Variants in METTL2B observed in about 807,000 individuals in gnomAD.
METTL2B encodes methyltransferase 2B, tRNA N3-cytidine.
Under a neutral mutation model 51.0 loss-of-function variants are expected in METTL2B, and 28 were observed. That is an observed-to-expected ratio of 0.55 (90% CI 0.41 to 0.75). METTL2B has a LOEUF of 0.75. Ranked by LOEUF, METTL2B falls within the 30% of genes least tolerant of loss-of-function variation. The probability of loss-of-function intolerance (pLI) is 0.00; values close to 1 mark genes in which losing one functional copy is unlikely to be tolerated. For synonymous variants in METTL2B, 128 were observed against 166.3 expected (o/e 0.77, Z 1.77); for missense variants, 313 against 460.7 (o/e 0.68, Z 2.93).
In METTL2B at chr7:128,497,357, A is replaced by G. The variant is rs1459366361; in HGVS notation, c.810-679A>G. 3.3e-5 allele frequency among the ~76,000 whole-genome samples: 5 copies of G among 152,152 alleles called. No individual in the cohort carries two copies. The South Asian group carries it at 8.3e-4, about 25-fold the overall frequency. ...AGCTCAGGTCTAATGGTGCAGGCAG[A>G]TAAGTCCCCTAGCAGAACCCACTGG... On this transcript the variant is annotated intron_variant, in intron 6 of 8. Transcript: ENST00000262432.
rs543562234 is a variant in METTL2B, at chr7:128,480,328, C to G, written c.559-319C>G. On this transcript the variant is annotated intron_variant, in intron 3 of 8. Coordinates refer to ENST00000262432, the MANE Select transcript of METTL2B (RefSeq NM_018396.3). ...GCACAGTCTATTACAAATATTTTCA[C>G]AATAATAATATAAGCTTAGTAAGAA... 5.1e-4 allele frequency among the ~76,000 whole-genome samples: 78 copies of G among 152,288 alleles called. 2 individuals carry two copies. The highest frequency in any genetic ancestry group is 5.1e-3 in the Admixed American group (78 of 15,274).
At chr7:128,497,997 A>G (rs771479683) in intron 6 of METTL2B, 39 bp from the exon 7 acceptor site, 5 of 1,606,752 alleles carry the variant, frequency 3.1e-6, no homozygotes, top group Non-Finnish European at 4.3e-6. Flanking sequence ...CCTGTCTTTA[A>G]GGAGACCTGA....
intron 5 of METTL2B, chr7:128,488,391 A>G: frequency 1.4e-6 from 1 of 700,952 alleles, no homozygotes; most frequent in Non-Finnish European, 2.6e-6. Context: ...ACCCTGCATC[A>G]AGCAAGCCTA....
At chr7:128,489,668 G>A (rs1175955984) in intron 5 of METTL2B, among the ~76,000 whole-genome samples, 37 of 127,130 alleles carry the variant, frequency 2.9e-4, no homozygotes, top group African/African-American at 1.0e-3. Context: ...TCGCTCTGTC[G>A]CCCAGGCTGG....
At chr7:128,490,422 T>C (rs1347978614) in intron 5 of METTL2B, among the ~76,000 whole-genome samples, 1 of 150,258 alleles carries the variant, frequency 6.7e-6, no homozygotes, top group Non-Finnish European at 1.5e-5. Flanking sequence ...AATTTTGGGC[T>C]CAGGCGAACC....
At chr7:128,482,240 G>T (rs530719153) in intron 4 of METTL2B, among the ~76,000 whole-genome samples, 26 of 152,114 alleles carry the variant, frequency 1.7e-4, no homozygotes, top group African/African-American at 5.8e-4. Context: ...TGCAACCTCC[G>T]CCTTCCGGGT....
chr7:128,491,132 G>A lies in METTL2B; in HGVS notation c.670-2672G>A, dbSNP rs567629827. ...ATCGTGCCACTGCACTCCAGCCTGG[G>A]TGACAGAGCAAGACTCCATCTCAAA... On this transcript the variant is annotated intron_variant, in intron 5 of 8. Transcript: ENST00000262432. Among the ~76,000 whole-genome samples the A allele has an allele frequency of 2.8e-4, 39 of 138,100 alleles. No individual in the cohort carries two copies. In the South Asian group the frequency reaches 3.7e-3, roughly 13 times the overall value. 90.6% of individuals were successfully genotyped at this position (138,100 alleles called of 152,430 possible). A position where few individuals can be genotyped will look rare whatever the true frequency, so the allele number is the denominator to read the frequency against.
chr7:128,504,011 G>A lies in METTL2B; in HGVS notation c.*2095G>A, dbSNP rs1243819711. ...GAAACTGCATCTCAAAAACAAAGAT[G>A]CCTAGCTTTCACCTTGTTGATGTTT... On this transcript the variant is annotated 3_prime_UTR_variant, in exon 9 of 9. Transcript: ENST00000262432. 2 of 152,016 alleles carry A rather than the reference G, an allele frequency of 1.3e-5. No individual in the cohort carries two copies. Among genetic ancestry groups the A allele is most frequent in the East Asian group, 3.9e-4 (2 of 5,186 alleles). The allele number at this position is 152,016 out of a possible 1,614,324, so 9.4% of individuals were successfully genotyped here.
chr7:128,485,434 C>T (rs749118164), intron 4 of METTL2B, among the ~76,000 whole-genome samples: 51 of 151,996 alleles, frequency 3.4e-4, no homozygotes, highest in African/African-American at 7.7e-4. Context: ...GAGGCCGAGA[C>T]GGGCAGATCA....
intron 2 of METTL2B, 71 bp downstream of exon 2, chr7:128,477,244 A>G: frequency 1.9e-6 from 3 of 1,595,218 alleles, no homozygotes; most frequent in East Asian, 2.3e-5. Context: ...CGGAGAGGCC[A>G]GGGAACCGCG....
At chr7:128,492,151 C>T (rs933091055) in intron 5 of METTL2B, among the ~76,000 whole-genome samples, 2 of 149,262 alleles carry the variant, frequency 1.3e-5, no homozygotes, top group Non-Finnish European at 3.0e-5. Context: ...TGCCACCACA[C>T]CTGGCTAATT....
chr7:128,477,244 A>T, intron 2 of METTL2B, 71 bp downstream of exon 2: 1 of 1,595,218 alleles, frequency 6.3e-7, no homozygotes, highest in Non-Finnish European at 8.5e-7. Flanking sequence ...CGGAGAGGCC[A>T]GGGAACCGCG....
At position 128,501,591 on chromosome 7, in the gene METTL2B, C is replaced by G. The variant is rs115757564; in HGVS notation, c.983-171C>G. 2.2e-3 allele frequency: 2,206 copies of G among 985,346 alleles called. 41 individuals carry two copies. The African/African-American group carries it at 0.036, about 16-fold the overall frequency. The allele number at this position is 985,346 out of a possible 1,614,324, so 61.0% of individuals were successfully genotyped here. On this transcript the variant is annotated intron_variant, in intron 8 of 8. Transcript: ENST00000262432. ...CGCGGCCTATACACAGTGGCTTCCC[C>G]TACCTAAACATGAACTTGTTGTTAC...
intron 8 of METTL2B, chr7:128,501,505 T>C (rs1793029310): frequency 1.0e-6 from 1 of 985,428 alleles, no homozygotes; most frequent in South Asian, 4.7e-5. Flanking sequence ...GCATAAATTT[T>C]AAGGTGTTCA....
Position 128,482,232 on chromosome 7 carries a change from C to G in METTL2B, c.608+1536C>G, listed in dbSNP as rs548496236. On this transcript the variant is annotated intron_variant, in intron 4 of 8. Coordinates refer to ENST00000262432, the MANE Select transcript of METTL2B (RefSeq NM_018396.3). ...ACAGTGGCACAATCTCGACTCATTG[C>G]AACCTCCGCCTTCCGGGTTCAAGTG... 4.7e-4 allele frequency among the ~76,000 whole-genome samples: 71 copies of G among 152,238 alleles called. No homozygotes were observed. In the South Asian group the frequency reaches 6.9e-3, roughly 15 times the overall value.
At chr7:128,494,996 C>T (rs1792898917) in intron 6 of METTL2B, among the ~76,000 whole-genome samples, 1 of 150,810 alleles carries the variant, frequency 6.6e-6, no homozygotes, top group African/African-American at 2.4e-5. Flanking sequence ...CTCACTGCAA[C>T]CTCCACCTCC....
At chr7:128,490,325 CTTT>C (rs56261578) in intron 5 of METTL2B, among the ~76,000 whole-genome samples, 10 of 131,846 alleles carry the variant, frequency 7.6e-5, no homozygotes, top group Non-Finnish European at 7.9e-5. Context: ...TCAGGCTTCA[CTTT>C]TTTTTTTTTT....
At chr7:128,485,291 G>GGAA (rs1298986021) in intron 4 of METTL2B, among the ~76,000 whole-genome samples, 1 of 152,088 alleles carries the variant, frequency 6.6e-6, no homozygotes, top group Non-Finnish European at 1.5e-5. Flanking sequence ...CCAGCACTTT[G>GGAA]GAAGGCCAAG....
At chr7:128,496,424 G>C (rs1424582075) in intron 6 of METTL2B, among the ~76,000 whole-genome samples, 2 of 152,046 alleles carry the variant, frequency 1.3e-5, no homozygotes, top group African/African-American at 4.8e-5. Context: ...CATATTTGTA[G>C]TCCCAGCTAC....
Sources: allele counts gnomAD v4.1 joint callset (sites outside exome capture counted in the v4.1 genomes callset), GRCh38; gene constraint gnomAD v4.1.1; transcripts MANE v1.5; gene names NCBI Gene and HGNC (gene_info 2026-07-23, HGNC 2026-07-21).